Variants in MIGA2 observed in about 807,000 individuals in gnomAD.
MIGA2 encodes the protein family with sequence similarity 73, member B.
A neutral mutation model predicts 69.9 loss-of-function variants in MIGA2; 36 were observed. That is an observed-to-expected ratio of 0.52 (90% CI 0.39 to 0.68). The LOEUF is 0.68. MIGA2 is among the 30% of genes least tolerant of loss of function. The pLI, the probability that MIGA2 is intolerant of heterozygous loss-of-function variation, is 0.00. For synonymous variants in MIGA2, 333 were observed against 349.2 expected, an observed-to-expected ratio of 0.95 and a Z score of 0.52; for missense variants, 660 against 787.7, an observed-to-expected ratio of 0.84 and a Z score of 1.94.
chr9:129,060,741 G>A lies in MIGA2; in HGVS notation c.894+91G>A, dbSNP rs1846027026. The A allele has an allele frequency of 9.1e-7, 1 of 1,103,372 alleles. No homozygotes were observed. The highest frequency in any genetic ancestry group is 1.5e-5 in the South Asian group (1 of 66,238). The allele number at this position is 1,103,372 out of a possible 1,614,324, so 68.3% of individuals were successfully genotyped here. A position where few individuals can be genotyped will look rare whatever the true frequency, so the allele number is the denominator to read the frequency against. ...GGCCAGCACTGGGTCATGGGAAAGT[G>A]GAGGCATTTCCTCTGATGGGAGAAT... is the stretch of plus-strand genomic sequence containing the variant. On this transcript the variant is annotated intron_variant, in intron 8 of 15. Coordinates refer to ENST00000684074, the MANE Select transcript of MIGA2 (RefSeq NM_001329990.2). This position sits in a 1 kb window ranked among gnomAD's most constrained non-coding sequence, Gnocchi z 4.8.
At chr9:129,070,144 C>T in intron 15 of MIGA2, 103 bp from the exon 16 acceptor site, 1 of 1,392,826 alleles carries the variant, frequency 7.2e-7, no homozygotes, top group East Asian at 2.3e-5. Flanking sequence ...ATGGAAAGGA[C>T]CGGCTGGGGC....
chr9:129,043,207 A>AT (rs1845014952), intron 3 of MIGA2, among the ~76,000 whole-genome samples: 1 of 151,752 alleles, frequency 6.6e-6, no homozygotes, highest in African/African-American at 2.4e-5. Context: ...AAAAAAAAAA[A>AT]TTTGAGGGTT....
chr9:129,069,856 A>T lies in MIGA2; in HGVS notation c.1466A>T (p.Asp489Val). Residue 489 changes from aspartate to valine, a missense_variant, in exon 15 of 16, where the codon GAT becomes GTT. By Grantham distance (152) the Asp-to-Val change is radical. Coordinates refer to ENST00000684074, the MANE Select transcript of MIGA2 (RefSeq NM_001329990.2). The surrounding 1 kb of genome is among the most constrained non-coding windows in gnomAD (Gnocchi z 4.9). The part of the protein sequence containing the change: ...KAKRRLLMVP[D>V]GFISHFYSVS... ...GCCTTGTGCCCACCGCAGGTGCCTG[A>T]TGGCTTCATCTCCCATTTCTACTCC... 1 of 1,613,528 alleles carries T rather than the reference A, an allele frequency of 6.2e-7. No individual in the cohort carries two copies.
chr9:129,068,363 C>T lies in MIGA2; in HGVS notation c.1404+31C>T, dbSNP rs768597213. On this transcript the variant is annotated intron_variant, in intron 13 of 15. Coordinates refer to ENST00000684074, the MANE Select transcript of MIGA2 (RefSeq NM_001329990.2). The surrounding 1 kb of genome is among the most constrained non-coding windows in gnomAD (Gnocchi z 4.1). ...TCACTGCCCTGCTCTCAGACCCACACTTGCTCACATCAGCCCGTGTGGTTG... is the reference window on the plus strand; with the variant it reads ...TCACTGCCCTGCTCTCAGACCCACATTTGCTCACATCAGCCCGTGTGGTTG... 5 of 1,598,466 alleles carry T rather than the reference C, an allele frequency of 3.1e-6. No individual in the cohort carries two copies. The highest frequency in any genetic ancestry group is 1.3e-5 in the African/African-American group (1 of 75,018).
intron 2 of MIGA2, 97 bp from the exon 3 acceptor site, chr9:129,042,207 C>T (rs1588367314): frequency 1.3e-5 from 15 of 1,198,972 alleles, no homozygotes; most frequent in East Asian, 2.5e-5. Flanking sequence ...GCCGGAGAGC[C>T]GGTGTGTGTC....
At position 129,059,832 on chromosome 9, in the gene MIGA2, C is replaced by G. The variant is rs954049047; in HGVS notation, c.793+561C>G. 7.2e-5 allele frequency among the ~76,000 whole-genome samples: 11 copies of G among 152,200 alleles called. No homozygotes were observed. On this transcript the variant is annotated intron_variant, in intron 7 of 15. Coordinates refer to ENST00000684074, the MANE Select transcript of MIGA2 (RefSeq NM_001329990.2). This position sits in a 1 kb window ranked among gnomAD's most constrained non-coding sequence, Gnocchi z 5.6. ...CTCAACCCTGTGGGACCCTCAGACT[C>G]CTGAGGGTCCAGCTGCCTGGCTCTG... is the stretch of plus-strand genomic sequence containing the variant.
intron 4 of MIGA2, among the ~76,000 whole-genome samples, chr9:129,048,945 G>A (rs1473500996): frequency 6.6e-6 from 1 of 152,148 alleles, no homozygotes; most frequent in Non-Finnish European, 1.5e-5. Flanking sequence ...TCCCAGCTAT[G>A]AGCCAGGCTG....
rs1329933825 is a variant in MIGA2, at chr9:129,044,048, C to T, written c.307+1534C>T. 4.0e-5 allele frequency among the ~76,000 whole-genome samples: 6 copies of T among 148,940 alleles called. No individual in the cohort carries two copies. In the East Asian group the frequency reaches 5.9e-4, roughly 15 times the overall value. ...CGCTTGTGTTTCCCAGGCTGGAGTGCGGTGGTCTGGTCTCTGCTCACTGTA... is the reference window on the plus strand; with the variant it reads ...CGCTTGTGTTTCCCAGGCTGGAGTGTGGTGGTCTGGTCTCTGCTCACTGTA... On this transcript the variant is annotated intron_variant, in intron 3 of 15. Transcript: ENST00000684074.
At chr9:129,063,128 G>C (rs1198107574) in intron 9 of MIGA2, 116 bp from the exon 10 acceptor site, 3 of 1,037,210 alleles carry the variant, frequency 2.9e-6, no homozygotes, top group African/African-American at 3.2e-5. Flanking sequence ...GCCAGGCTGA[G>C]GCAGGGCCAG....
At position 129,057,493 on chromosome 9, in the gene MIGA2, A is replaced by G. The variant is rs906759070; in HGVS notation, c.676-1661A>G. ...TATTTTTAGTAGACGGGGTTTCACC[A>G]TGTCAGCCAGGATGGTCTCGATCTC... is the stretch of plus-strand genomic sequence containing the variant. On this transcript the variant is annotated intron_variant, in intron 6 of 15. Coordinates refer to ENST00000684074, the MANE Select transcript of MIGA2 (RefSeq NM_001329990.2). 4.0e-5 allele frequency among the ~76,000 whole-genome samples: 6 copies of G among 151,032 alleles called. No individual in the cohort carries two copies. In the South Asian group the frequency reaches 8.4e-4, roughly 21 times the overall value.
rs1458679471 is a variant in MIGA2, at chr9:129,071,675, G to A, written c.*1222G>A. 6.6e-6 allele frequency: 1 copy of A among 152,152 alleles called. No homozygotes were observed. The highest frequency in any genetic ancestry group is 1.5e-5 in the Non-Finnish European group (1 of 68,004). The allele number at this position is 152,152 out of a possible 1,614,324, so 9.4% of individuals were successfully genotyped here. ...GGATGGGAGGGCGCACCACAGAGAG[G>A]AGATGATGCTGGGTGTGGCCCATCT... On this transcript the variant is annotated 3_prime_UTR_variant, in exon 16 of 16. Coordinates refer to ENST00000684074, the MANE Select transcript of MIGA2 (RefSeq NM_001329990.2).
chr9:129,048,661 C>T, intron 4 of MIGA2, 122 bp downstream of exon 4: 1 of 738,722 alleles, frequency 1.4e-6, no homozygotes, highest in South Asian at 1.7e-5. Flanking sequence ...CTCACTCCTC[C>T]ACCCACGCGG....
intron 4 of MIGA2, among the ~76,000 whole-genome samples, chr9:129,049,093 G>A (rs1845385457): frequency 1.3e-5 from 2 of 152,204 alleles, no homozygotes; most frequent in Non-Finnish European, 2.9e-5. Context: ...ATAGGGGATG[G>A]ATACAGCAGT....
chr9:129,067,685 C>T (rs547527553), intron 11 of MIGA2, 88 bp from the exon 12 acceptor site: 7 of 1,225,802 alleles, frequency 5.7e-6, no homozygotes, highest in East Asian at 5.1e-5. Context: ...GGGCCCCAGC[C>T]GTGCCTTGGC....
Position 129,069,572 on chromosome 9 carries a change from C to T in MIGA2, c.1459-277C>T. ...CCCCTCTGCGGGCCAGGCTCTGTTG[C>T]CTAGCTGATACCAGCTGCCGTGGCC... is the stretch of plus-strand genomic sequence containing the variant. On this transcript the variant is annotated intron_variant, in intron 14 of 15. Coordinates refer to ENST00000684074, the MANE Select transcript of MIGA2 (RefSeq NM_001329990.2). This position sits in a 1 kb window ranked among gnomAD's most constrained non-coding sequence, Gnocchi z 4.9. The T allele has an allele frequency of 1.8e-6, 1 of 545,714 alleles. No homozygotes were observed. Among genetic ancestry groups the T allele is most frequent in the African/African-American group, 1.9e-5 (1 of 52,838 alleles). 33.8% of individuals were successfully genotyped at this position (545,714 alleles called of 1,614,324 possible). A position where few individuals can be genotyped will look rare whatever the true frequency, so the allele number is the denominator to read the frequency against.
intron 6 of MIGA2, among the ~76,000 whole-genome samples, chr9:129,052,748 G>C (rs932649628): frequency 6.6e-6 from 1 of 152,168 alleles, no homozygotes; most frequent in Non-Finnish European, 1.5e-5. Flanking sequence ...GCTGTGTCTG[G>C]CACAGCTGGT....
chr9:129,038,360 C>G (rs1302903640), intron 1 of MIGA2, among the ~76,000 whole-genome samples: 1 of 152,136 alleles, frequency 6.6e-6, no homozygotes, highest in African/African-American at 2.4e-5. Context: ...CAGGGTCTGT[C>G]CTGGCTTGTG....
At chr9:129,039,608 G>T (rs2131336458) in intron 1 of MIGA2, among the ~76,000 whole-genome samples, 1 of 152,138 alleles carries the variant, frequency 6.6e-6, no homozygotes, top group African/African-American at 2.4e-5. Context: ...GCCCAGGCTG[G>T]AGTGCAGTGT....
intron 3 of MIGA2, among the ~76,000 whole-genome samples, chr9:129,047,800 G>T (rs1845310707): frequency 1.3e-5 from 2 of 151,978 alleles, no homozygotes; most frequent in African/African-American, 4.8e-5. Context: ...TGCGATCATG[G>T]CTTACTGCAG....
Sources: gnomAD v4.1 joint callset for allele counts (sites outside exome capture counted in the v4.1 genomes callset) on GRCh38, gnomAD v4.1.1 for gene constraint, Gnocchi (gnomAD v3.1) non-coding constraint, MANE v1.5 for transcripts, NCBI Gene and HGNC (gene_info 2026-07-23, HGNC 2026-07-21) for gene names.